The following PCDHA10 variants were observed in gnomAD, a reference collection of about 807,000 sequenced individuals.
The protein encoded by PCDHA10 is protocadherin alpha 10.
In PCDHA10, 45 loss-of-function variants were observed where a neutral mutation model predicts 61.2. That is an observed-to-expected ratio of 0.74 (90% CI 0.58 to 0.94). The LOEUF (loss-of-function observed/expected upper bound fraction) is 0.94. PCDHA10 is among the 40% of genes least tolerant of loss of function. The pLI, the probability that PCDHA10 is intolerant of heterozygous loss-of-function variation, is 0.00. For synonymous variants in PCDHA10, 602 were observed against 548.8 expected (o/e 1.10, Z -1.35); for missense variants, 1,278 against 1,236.2 (o/e 1.03, Z -0.51).
intron 3 of PCDHA10, among the ~76,000 whole-genome samples, chr5:140,986,555 T>A (rs1554248143): frequency 6.6e-6 from 1 of 152,214 alleles, no homozygotes; most frequent in African/African-American, 2.4e-5. Context: ...GCCAGGCTGC[T>A]TTGTTATCTG....
intron 1 of PCDHA10, among the ~76,000 whole-genome samples, chr5:140,909,331 G>T (rs1162078506): frequency 6.6e-6 from 1 of 152,226 alleles, no homozygotes; most frequent in Admixed American, 6.5e-5. Context: ...ATCAATGGTT[G>T]CATACCAGGT....
chr5:140,987,266 C>T (rs2097244603), intron 3 of PCDHA10, among the ~76,000 whole-genome samples: 1 of 151,752 alleles, frequency 6.6e-6, no homozygotes, highest in African/African-American at 2.4e-5. Context: ...AGGAATGGGA[C>T]CCGGCAGTCT....
chr5:140,998,524 T>A (rs553357630), intron 3 of PCDHA10, among the ~76,000 whole-genome samples: 1 of 152,328 alleles, frequency 6.6e-6, no homozygotes, highest in East Asian at 1.9e-4. Flanking sequence ...TTATTCATAT[T>A]TATATCCCTA....
rs552517946 is a variant in PCDHA10 at position 140,913,359 on chromosome 5, A to G, written c.2388+54923A>G. Reference sequence around the variant, plus strand: ...TTTATCCATTTCCTCTAGATTTTTAAATTTATTGGCATATAGTGGCTCATC... The same window carrying G: ...TTTATCCATTTCCTCTAGATTTTTAGATTTATTGGCATATAGTGGCTCATC... On this transcript the variant is annotated intron_variant, in intron 1 of 3. Coordinates refer to ENST00000307360, the MANE Select transcript of PCDHA10 (RefSeq NM_018901.4). Among the ~76,000 whole-genome samples, 4 of 152,082 alleles carry G rather than the reference A, an allele frequency of 2.6e-5. No homozygotes were observed. In the East Asian group the frequency reaches 7.7e-4, roughly 29 times the overall value.
chr5:140,862,415 G>T (rs1382532896), intron 1 of PCDHA10: 12 of 348,784 alleles, frequency 3.4e-5, no homozygotes, highest in Admixed American at 1.9e-4. Context: ...TTCAAAAGGC[G>T]CTGCCCAGAA....
chr5:140,897,457 C>T (rs1173344812), intron 1 of PCDHA10, among the ~76,000 whole-genome samples: 11 of 151,186 alleles, frequency 7.3e-5, no homozygotes, highest in East Asian at 1.9e-4. Context: ...TTTGTCCTTG[C>T]GATAGTTTAC....
At chr5:140,867,282 C>T (rs921833641) in intron 1 of PCDHA10, 6 of 152,010 alleles carry the variant, frequency 3.9e-5, no homozygotes, top group African/African-American at 7.2e-5. Flanking sequence ...ACCTGATGTG[C>T]TTCAAATATC....
At chr5:140,942,445 A>G (rs1323056710) in intron 1 of PCDHA10, among the ~76,000 whole-genome samples, 5 of 152,016 alleles carry the variant, frequency 3.3e-5, no homozygotes, top group Non-Finnish European at 7.4e-5. Context: ...AAACAAGTAA[A>G]CTATCAATTA....
intron 1 of PCDHA10, among the ~76,000 whole-genome samples, chr5:140,922,707 A>T (rs1282909188): frequency 4.6e-5 from 7 of 152,240 alleles, no homozygotes; most frequent in African/African-American, 1.4e-4. Context: ...TACAGTCAAG[A>T]ACAAAAAGAA....
chr5:140,857,618 C>T lies in PCDHA10; in HGVS notation c.1570C>T (p.His524Tyr). Residue 524 changes from histidine to tyrosine, a missense_variant, in exon 1 of 4, where the codon CAC (histidine) becomes TAC (tyrosine). Coordinates refer to ENST00000307360, the MANE Select transcript of PCDHA10 (RefSeq NM_018901.4). ...GKVYALQPLD[H>Y]EELELLQFQV... Reference sequence around the variant, plus strand: ...GGTGTACGCGCTGCAGCCGCTGGACCACGAGGAGCTGGAGCTGCTACAGTT... The same window carrying T: ...GGTGTACGCGCTGCAGCCGCTGGACTACGAGGAGCTGGAGCTGCTACAGTT... 1 of 1,596,552 alleles carries T rather than the reference C, an allele frequency of 6.3e-7. No individual in the cohort carries two copies. Among genetic ancestry groups the T allele is most frequent in the Non-Finnish European group, 8.6e-7 (1 of 1,167,710 alleles).
chr5:141,006,368 C>T (rs1395158727), intron 3 of PCDHA10, among the ~76,000 whole-genome samples: 2 of 152,072 alleles, frequency 1.3e-5, no homozygotes, highest in Non-Finnish European at 2.9e-5. Context: ...CCCACCACCA[C>T]GCCCGGCTAA....
At chr5:140,976,578 A>C (rs997881753) in intron 1 of PCDHA10, among the ~76,000 whole-genome samples, 1 of 152,204 alleles carries the variant, frequency 6.6e-6, no homozygotes, top group Admixed American at 6.5e-5. Context: ...TATAAATAAA[A>C]CACAGACTTT....
At chr5:140,982,675 T>C in intron 3 of PCDHA10, 112 bp downstream of exon 3, 1 of 1,441,782 alleles carries the variant, frequency 6.9e-7, no homozygotes, top group Non-Finnish European at 9.1e-7. Flanking sequence ...ATTTTTGTTA[T>C]TCCCTTTTTT....
intron 1 of PCDHA10, chr5:140,870,948 C>A (rs868931274): frequency 1.2e-6 from 2 of 1,613,466 alleles, no homozygotes; most frequent in African/African-American, 1.3e-5. Context: ...CGGCGGCGGG[C>A]GGCTCGCGCA....
Position 140,910,016 on chromosome 5 carries a change from G to C in PCDHA10, c.2388+51580G>C, listed in dbSNP as rs375687025. Among the ~76,000 whole-genome samples the C allele has an allele frequency of 3.5e-4, 54 of 152,290 alleles. No individual in the cohort carries two copies. The South Asian group carries it at 0.011, about 32-fold the overall frequency. ...ATAAATTGTTGTCAGTGTCATCCTT[G>C]TATCCCTGGGATAAATCCCACTTGG... On this transcript the variant is annotated intron_variant, in intron 1 of 3. Coordinates refer to ENST00000307360, the MANE Select transcript of PCDHA10 (RefSeq NM_018901.4).
At chr5:140,871,697 A>G (rs2053267729) in intron 1 of PCDHA10, 3 of 935,180 alleles carry the variant, frequency 3.2e-6, no homozygotes, top group Non-Finnish European at 3.1e-6. Flanking sequence ...GGCTTCTTTA[A>G]CCAATAAATG....
At chr5:140,932,309 ATATAT>A (rs1441363335) in intron 1 of PCDHA10, among the ~76,000 whole-genome samples, 6 of 151,956 alleles carry the variant, frequency 3.9e-5, no homozygotes, top group Non-Finnish European at 8.8e-5. Context: ...AAAGGTATAA[ATATAT>A]TAATGTAGCA....
At chr5:140,927,533 C>T in intron 1 of PCDHA10, 1 of 1,614,102 alleles carries the variant, frequency 6.2e-7, no homozygotes, top group Non-Finnish European at 8.5e-7. Flanking sequence ...CCTGCCCGCT[C>T]AGGAGACGCA....
At chr5:140,871,662 A>G in intron 1 of PCDHA10, 1 of 1,211,512 alleles carries the variant, frequency 8.3e-7, no homozygotes, top group Non-Finnish European at 1.1e-6. Context: ...ACACATCTTC[A>G]GTCTTTTAAT....
Sources: allele counts gnomAD v4.1 joint callset (sites outside exome capture counted in the v4.1 genomes callset), GRCh38; gene constraint gnomAD v4.1.1; transcripts MANE v1.5; gene names NCBI Gene and HGNC (gene_info 2026-07-23, HGNC 2026-07-21).